PRH1: variants seen among roughly 807,000 people sequenced by gnomAD.
The protein encoded by PRH1 is proline rich protein HaeIII subfamily 1.
In PRH1, 7 loss-of-function variants were observed where a neutral mutation model predicts 7.9. The observed-to-expected ratio is 0.89, with a 90% CI of 0.50 to 1.67. The LOEUF (loss-of-function observed/expected upper bound fraction) is 1.67. Ranked by LOEUF, PRH1 falls within the 40% of genes most tolerant of loss-of-function variation. The probability of loss-of-function intolerance (pLI) is 0.00; values close to 1 mark genes in which losing one functional copy is unlikely to be tolerated. For missense variants in PRH1, 109 were observed against 223.6 expected, an observed-to-expected ratio of 0.49 and a Z score of 3.27; for synonymous variants, 45 against 80.8, an observed-to-expected ratio of 0.56 and a Z score of 2.38.
chr12:10,881,010 G>T lies in PRH1; in HGVS notation c.*65C>A. On this transcript the variant is annotated 3_prime_UTR_variant, in exon 4 of 4. Transcript: ENST00000543626. ...TGGTATACTGAAGTTAGAGCATGAT[G>T]CCATGTTTCACGGCATTTGAAACAC... The T allele has an allele frequency of 5.7e-6, 1 of 176,468 alleles. No homozygotes were observed. The highest frequency in any genetic ancestry group is 1.3e-5 in the Non-Finnish European group (1 of 77,084). The allele number at this position is 176,468 out of a possible 1,614,324, so 10.9% of individuals were successfully genotyped here.
chr12:11,168,518 A>G (rs1228787122), intron 1 of PRH1, among the ~76,000 whole-genome samples: 1 of 152,120 alleles, frequency 6.6e-6, no homozygotes, highest in Non-Finnish European at 1.5e-5. Context: ...TTCCTAATAC[A>G]AAAAAGTTTT....
chr12:11,124,414 T>C (rs1489922246), intron 1 of PRH1, among the ~76,000 whole-genome samples: 1 of 152,288 alleles, frequency 6.6e-6, no homozygotes, highest in African/African-American at 2.4e-5. Context: ...AGCTTGATCA[T>C]GAAATGGTTT....
At chr12:10,897,686 T>C (rs1458020384) in intron 2 of PRH1, among the ~76,000 whole-genome samples, 1 of 152,158 alleles carries the variant, frequency 6.6e-6, no homozygotes, top group Non-Finnish European at 1.5e-5. Context: ...CATCTTCACA[T>C]GGTTGGAGCA....
chr12:11,075,828 A>T (rs199757935), intron 1 of PRH1, among the ~76,000 whole-genome samples: 37,227 of 86,708 alleles, frequency 0.43, 4,349 homozygotes, highest in Non-Finnish European at 0.52. Context: ...GATTTTGTCA[A>T]GAGTTTCGTT....
At chr12:11,127,731 T>A (rs1946183108) in intron 1 of PRH1, among the ~76,000 whole-genome samples, 1 of 152,304 alleles carries the variant, frequency 6.6e-6, no homozygotes, top group South Asian at 2.1e-4. Flanking sequence ...TCAATGTTTA[T>A]CAAACTTAAT....
intron 1 of PRH1, among the ~76,000 whole-genome samples, chr12:11,026,348 G>T (rs1941913858): frequency 6.6e-6 from 1 of 151,850 alleles, no homozygotes. Context: ...GTTTTTGAAG[G>T]TCAGATACTA....
At chr12:11,091,975 A>G (rs1944927126) in intron 1 of PRH1, 2 of 1,310,906 alleles carry the variant, frequency 1.5e-6, no homozygotes, top group African/African-American at 1.5e-5. Flanking sequence ...CCCAGATATT[A>G]TAAGCAGTAG....
intron 2 of PRH1, among the ~76,000 whole-genome samples, chr12:10,910,027 T>TA (rs1360400896): frequency 1.3e-5 from 2 of 152,042 alleles, no homozygotes; most frequent in Non-Finnish European, 2.9e-5. Context: ...TTAAAAGTGA[T>TA]AAAAAAACAA....
intron 1 of PRH1, among the ~76,000 whole-genome samples, chr12:11,086,657 T>TAAA (rs1944712214): frequency 7.0e-6 from 1 of 142,570 alleles, no homozygotes; most frequent in South Asian, 2.1e-4. Flanking sequence ...CTCAGGCCTG[T>TAAA]AATCCCAGCA....
chr12:11,025,733 T>C (rs1203997613), intron 1 of PRH1, among the ~76,000 whole-genome samples: 1 of 152,296 alleles, frequency 6.6e-6, no homozygotes, highest in Non-Finnish European at 1.5e-5. Context: ...TCTTCCCTTC[T>C]ATGCTTCATT....
intron 1 of PRH1, among the ~76,000 whole-genome samples, chr12:11,098,599 C>G (rs184753436): frequency 1.4e-4 from 21 of 152,302 alleles, no homozygotes; most frequent in African/African-American, 4.8e-4. Flanking sequence ...ATACATAGAT[C>G]ATATAGCAAA....
intron 1 of PRH1, among the ~76,000 whole-genome samples, chr12:11,139,459 T>C (rs1218175074): frequency 3.9e-5 from 6 of 152,226 alleles, no homozygotes. Context: ...TTACAATGTA[T>C]TAAAAATTTT....
chr12:11,009,123 A>G (rs1314877979), intron 1 of PRH1, among the ~76,000 whole-genome samples: 1 of 151,638 alleles, frequency 6.6e-6, no homozygotes, highest in Non-Finnish European at 1.5e-5. Context: ...TGCATGCTCA[A>G]TTTTGTATTT....
At chr12:11,157,775 A>C (rs1947297895) in intron 1 of PRH1, among the ~76,000 whole-genome samples, 1 of 152,216 alleles carries the variant, frequency 6.6e-6, no homozygotes, top group African/African-American at 2.4e-5. Flanking sequence ...CGTGCATGTA[A>C]ACATTTAAAA....
intron 1 of PRH1, chr12:11,134,673 G>A (rs1946494661): frequency 5.7e-6 from 1 of 175,566 alleles, no homozygotes; most frequent in South Asian, 1.3e-4. Flanking sequence ...TTTATAACCC[G>A]ATATGTAGAT....
chr12:11,068,043 G>A (rs1943902353), intron 1 of PRH1, among the ~76,000 whole-genome samples: 2 of 145,652 alleles, frequency 1.4e-5, no homozygotes, highest in South Asian at 4.2e-4. Flanking sequence ...TTTTTTTATT[G>A]GGGAGCATAA....
At chr12:11,106,443 C>T (rs1306639752) in intron 1 of PRH1, among the ~76,000 whole-genome samples, 3 of 152,192 alleles carry the variant, frequency 2.0e-5, no homozygotes, top group Non-Finnish European at 4.4e-5. Context: ...ACTTATCTCT[C>T]ATGCTGAGAC....
At chr12:11,171,246 C>G (rs1367054685) in intron 1 of PRH1, 3 of 682,264 alleles carry the variant, frequency 4.4e-6, no homozygotes, top group East Asian at 6.9e-5. Context: ...TGGGTGTGAG[C>G]CCGGGAGCCG....
intron 1 of PRH1, among the ~76,000 whole-genome samples, chr12:11,139,421 T>C (rs543746209): frequency 6.6e-6 from 1 of 152,340 alleles, no homozygotes; most frequent in African/African-American, 2.4e-5. Flanking sequence ...TATATTTCAC[T>C]GTAGAGTTTC....
Sources: gnomAD v4.1 joint callset for allele counts (sites outside exome capture counted in the v4.1 genomes callset) on GRCh38, gnomAD v4.1.1 for gene constraint, MANE v1.5 for transcripts, NCBI Gene and HGNC (gene_info 2026-07-23, HGNC 2026-07-21) for gene names.